The following GKAP1 variants were observed in gnomAD, a reference collection of about 807,000 sequenced individuals.
GKAP1 encodes the protein G kinase-anchoring protein 1.
In GKAP1, 31 loss-of-function variants were observed where a neutral mutation model predicts 56.7. The observed-to-expected ratio is 0.55, with a 90% CI of 0.41 to 0.74. The LOEUF is 0.74. Among genes scored for constraint, GKAP1 ranks in the 30% least tolerant of loss-of-function variants. The pLI is 0.00. For synonymous variants in GKAP1, 151 were observed against 138.6 expected, an observed-to-expected ratio of 1.09 and a Z score of -0.63; for missense variants, 364 against 402.3, an observed-to-expected ratio of 0.90 and a Z score of 0.82.
intron 4 of GKAP1, among the ~76,000 whole-genome samples, chr9:83,789,681 C>G (rs1001537846): frequency 2.0e-5 from 3 of 152,156 alleles, no homozygotes; most frequent in Admixed American, 1.3e-4. Context: ...AACACCCAAG[C>G]TATCATCACC....
In GKAP1 at chr9:83,742,571, C is replaced by T. The variant is rs766245698; in HGVS notation, c.934G>A (p.Val312Ile). 3 of 1,612,610 alleles carry T rather than the reference C, an allele frequency of 1.9e-6. No homozygotes were observed. The highest frequency in any genetic ancestry group is 2.5e-6 in the Non-Finnish European group (3 of 1,179,492). Reference sequence around the variant, plus strand: ...TTCTTGATACTTTGTGATTCATCAACTTGCAGAAGTATTTCTGCCTTATCT... The same window carrying T: ...TTCTTGATACTTTGTGATTCATCAATTTGCAGAAGTATTTCTGCCTTATCT... ...MKDKAEILLQ[V>I]DESQSIKNEL... The change falls in exon 11 of 13, where the codon GTT becomes ATT. Residue 312 changes from valine (V) to isoleucine (I), a missense_variant. Val to Ile is a conservative substitution (Grantham distance 29, BLOSUM62 3). Coordinates refer to ENST00000376371, the MANE Select transcript of GKAP1 (RefSeq NM_025211.4).
intron 8 of GKAP1, among the ~76,000 whole-genome samples, chr9:83,762,160 A>G (rs1422832224): frequency 6.6e-6 from 1 of 152,148 alleles, no homozygotes; most frequent in Non-Finnish European, 1.5e-5. Context: ...AAAAACCTAA[A>G]GGCTCCACAA....
Position 83,768,980 on chromosome 9 carries a change from A to T in GKAP1, c.586-10T>A. 6.2e-7 allele frequency: 1 copy of T among 1,601,174 alleles called. No individual in the cohort carries two copies. Among genetic ancestry groups the T allele is most frequent in the Non-Finnish European group, 8.5e-7 (1 of 1,175,300 alleles). Reference sequence around the variant, plus strand: ...GAGAAGAACTCAATTCCTGTCAAAAATGAATTACGATTTACTATCATTCAA... The same window carrying T: ...GAGAAGAACTCAATTCCTGTCAAAATTGAATTACGATTTACTATCATTCAA... On this transcript the variant is annotated splice_polypyrimidine_tract_variant and intron_variant, in intron 7 of 12. Transcript: ENST00000376371.
intron 5 of GKAP1, among the ~76,000 whole-genome samples, chr9:83,787,243 T>C (rs1254167579): frequency 1.3e-5 from 2 of 152,214 alleles, no homozygotes; most frequent in Non-Finnish European, 2.9e-5. Flanking sequence ...TGCTGTGAAT[T>C]TTTTTGTTAA....
At chr9:83,743,458 G>A (rs1943240957) in intron 10 of GKAP1, among the ~76,000 whole-genome samples, 1 of 152,120 alleles carries the variant, frequency 6.6e-6, no homozygotes, top group African/African-American at 2.4e-5. Flanking sequence ...AGCCAGGTAT[G>A]GTGGCACATT....
chr9:83,807,431 A>C (rs1456827703), intron 2 of GKAP1, among the ~76,000 whole-genome samples: 2 of 152,336 alleles, frequency 1.3e-5, no homozygotes, highest in Middle Eastern at 3.4e-3. Flanking sequence ...CTTCTAATTA[A>C]AAAAGACAAA....
chr9:83,754,115 A>G (rs1382515943), intron 8 of GKAP1, among the ~76,000 whole-genome samples: 1 of 152,190 alleles, frequency 6.6e-6, no homozygotes, highest in African/African-American at 2.4e-5. Flanking sequence ...TTGACAGAAC[A>G]ATGTACCAGA....
intron 6 of GKAP1, among the ~76,000 whole-genome samples, chr9:83,781,285 C>T (rs967122101): frequency 6.6e-6 from 1 of 152,214 alleles, no homozygotes; most frequent in African/African-American, 2.4e-5. Flanking sequence ...ATTGCTTGAA[C>T]CCAGGAGGCG....
At chr9:83,763,970 T>C (rs1226878137) in intron 8 of GKAP1, among the ~76,000 whole-genome samples, 1 of 152,154 alleles carries the variant, frequency 6.6e-6, no homozygotes, top group Non-Finnish European at 1.5e-5. Context: ...ATACCCAACT[T>C]TGTTCTATAA....
At chr9:83,773,905 A>G (rs972906590) in intron 7 of GKAP1, among the ~76,000 whole-genome samples, 1 of 152,210 alleles carries the variant, frequency 6.6e-6, no homozygotes, top group Non-Finnish European at 1.5e-5. Flanking sequence ...AAATTGTCCA[A>G]TTTAACCATA....
chr9:83,785,137 C>G (rs1944042847), intron 5 of GKAP1, among the ~76,000 whole-genome samples: 1 of 152,134 alleles, frequency 6.6e-6, no homozygotes, highest in South Asian at 2.1e-4. Flanking sequence ...TTTCCTGCCT[C>G]ATCCCACTGA....
chr9:83,814,084 C>T (rs1474248582), intron 2 of GKAP1, among the ~76,000 whole-genome samples: 1 of 151,200 alleles, frequency 6.6e-6, no homozygotes, highest in African/African-American at 2.4e-5. Context: ...GGGTTACAGC[C>T]TGAGACCCTT....
At chr9:83,805,361 C>G (rs1358491388) in intron 3 of GKAP1, among the ~76,000 whole-genome samples, 1 of 152,032 alleles carries the variant, frequency 6.6e-6, no homozygotes, top group African/African-American at 2.4e-5. Context: ...CCTAGGAAAA[C>G]CAGAAACCTT....
chr9:83,792,055 A>G (rs1944168648), intron 4 of GKAP1, among the ~76,000 whole-genome samples: 1 of 152,238 alleles, frequency 6.6e-6, no homozygotes, highest in Non-Finnish European at 1.5e-5. Flanking sequence ...GATCACAGAA[A>G]TTGATAATTT....
chr9:83,746,114 T>C (rs933757755), intron 10 of GKAP1, among the ~76,000 whole-genome samples: 5 of 152,212 alleles, frequency 3.3e-5, no homozygotes, highest in Admixed American at 3.3e-4. Flanking sequence ...CTTTAACTTC[T>C]ATTTGTGTAA....
intron 3 of GKAP1, among the ~76,000 whole-genome samples, chr9:83,804,047 C>T (rs1329621532): frequency 6.6e-6 from 1 of 151,404 alleles, no homozygotes; most frequent in Non-Finnish European, 1.5e-5. Flanking sequence ...TAAGGAGCCC[C>T]TCTGCCCGGC....
intron 4 of GKAP1, among the ~76,000 whole-genome samples, chr9:83,789,463 T>C (rs1343700550): frequency 6.6e-6 from 1 of 152,182 alleles, no homozygotes; most frequent in Non-Finnish European, 1.5e-5. Flanking sequence ...CAACATGACA[T>C]GGGTAAACAT....
intron 8 of GKAP1, among the ~76,000 whole-genome samples, chr9:83,768,001 A>G (rs1943692672): frequency 1.3e-5 from 2 of 152,112 alleles, no homozygotes; most frequent in African/African-American, 4.8e-5. Flanking sequence ...TCTCTTTTTA[A>G]GTAGTATTTT....
intron 12 of GKAP1, among the ~76,000 whole-genome samples, chr9:83,741,543 A>G (rs993679892): frequency 2.1e-4 from 32 of 152,124 alleles, no homozygotes; most frequent in African/African-American, 6.8e-4. Flanking sequence ...CACTAGATGA[A>G]AAGGGTATTC....
Sources: gnomAD v4.1 joint callset for allele counts (sites outside exome capture counted in the v4.1 genomes callset) on GRCh38, gnomAD v4.1.1 for gene constraint, MANE v1.5 for transcripts, NCBI Gene and HGNC (gene_info 2026-07-23, HGNC 2026-07-21) for gene names.